Variants in SNTA1 observed in about 807,000 individuals in gnomAD.
SNTA1 encodes syntrophin alpha 1, also known as alpha-1-syntrophin.
SNTA1 carries 31 observed loss-of-function variants against 47.1 expected under a neutral mutation model. The ratio of observed to expected loss-of-function variants is 0.66; its 90% confidence interval spans 0.49 to 0.89. The LOEUF (loss-of-function observed/expected upper bound fraction) is 0.89, where lower values mean the gene tolerates loss of function less well. Among genes scored for constraint, SNTA1 ranks in the 40% least tolerant of loss-of-function variants. SNTA1 has a pLI of 0.00. For synonymous variants in SNTA1, 300 were observed against 313.6 expected, an observed-to-expected ratio of 0.96 and a Z score of 0.46; for missense variants, 575 against 693.0, an observed-to-expected ratio of 0.83 and a Z score of 1.91.
chr20:33,427,756 T>C (rs1395409206), intron 2 of SNTA1, among the ~76,000 whole-genome samples: 2 of 152,046 alleles, frequency 1.3e-5, no homozygotes, highest in African/African-American at 4.8e-5. Flanking sequence ...TGAATATTCA[T>C]GAATAGGGGC....
chr20:33,420,340 T>C (rs1360518333), intron 2 of SNTA1, among the ~76,000 whole-genome samples: 1 of 152,188 alleles, frequency 6.6e-6, no homozygotes, highest in Non-Finnish European at 1.5e-5. Context: ...CCTGGAGCCA[T>C]GCTGTCTCAA....
intron 2 of SNTA1, among the ~76,000 whole-genome samples, chr20:33,438,275 G>A (rs1263858877): frequency 1.3e-5 from 2 of 152,064 alleles, no homozygotes; most frequent in South Asian, 2.1e-4. Context: ...ATTCCAGCCT[G>A]GACAACAGAG....
Position 33,438,942 on chromosome 20 carries a change from C to T in SNTA1, c.395G>A (p.Gly132Glu). ...AADQTEALFVGDAILSVNGED... is the reference protein window; with the variant it reads ...AADQTEALFVEDAILSVNGED... ...CCCATTCACAGACAGGATGGCATCC[C>T]CCACAAAAAGGGCCTCTGTCTGGTC... The change falls in exon 2 of 8, where the codon GGG (glycine) becomes GAG (glutamate). Residue 132 changes from glycine (G) to glutamate (E), a missense_variant. Transcript: ENST00000217381. 6.2e-7 allele frequency: 1 copy of T among 1,614,074 alleles called. No individual in the cohort carries two copies. Among genetic ancestry groups the T allele is most frequent in the African/African-American group, 1.3e-5 (1 of 75,054 alleles).
Position 33,408,703 on chromosome 20 carries a change from T to C in SNTA1, c.1423A>G (p.Ile475Val). Residue 475 changes from isoleucine (I) to valine (V), a missense_variant and splice_region_variant, in exon 7 of 8, where the codon ATC becomes GTC. By Grantham distance (29) the Ile-to-Val change is conservative (BLOSUM62 3). Transcript: ENST00000217381. ...TGCAGAGGCAGCCCCTCACTCACGA[T>C]CTCGCCTTCAGCACCTCCAAAATCC... ...FLDFGGAEGEIQLDLHSCPKT... is the reference protein window; with the variant it reads ...FLDFGGAEGEVQLDLHSCPKT... 6 of 1,613,774 alleles carry C rather than the reference T, an allele frequency of 3.7e-6. No individual in the cohort carries two copies. Among genetic ancestry groups the C allele is most frequent in the Non-Finnish European group, 5.1e-6 (6 of 1,179,896 alleles).
Position 33,408,829 on chromosome 20 carries a change from G to T in SNTA1, c.1297C>A (p.Leu433Met). The T allele has an allele frequency of 7.4e-6, 12 of 1,614,194 alleles. No individual in the cohort carries two copies. The highest frequency in any genetic ancestry group is 1.0e-5 in the Non-Finnish European group (12 of 1,180,026). The change falls in exon 7 of 8, where the codon CTG (leucine) becomes ATG (methionine). Residue 433 changes from leucine (L) to methionine (M), a missense_variant. Leu to Met is a conservative substitution (Grantham distance 15). Transcript: ENST00000217381. ...LSVHIDKGFT[L>M]WAAEPGAARA... ...GCTGCACCTGGCTCAGCCGCCCACA[G>T]TGTGAAGCCCTTGTCGATGTGCACA... is the stretch of plus-strand genomic sequence containing the variant.
chr20:33,423,798 T>C (rs952064735), intron 2 of SNTA1, among the ~76,000 whole-genome samples: 14 of 152,204 alleles, frequency 9.2e-5, no homozygotes, highest in Non-Finnish European at 1.5e-5. Flanking sequence ...GCTTAATAAA[T>C]GTCTGTGACT....
chr20:33,414,245 C>CAAAAAAAAA (rs56186098), intron 3 of SNTA1, among the ~76,000 whole-genome samples: 335 of 29,030 alleles, frequency 0.012, 3 homozygotes, highest in Non-Finnish European at 0.02. Context: ...TCTCAAAAAC[C>CAAAAAAAAA]AAAAAAAAAA....
Position 33,419,142 on chromosome 20 carries a change from C to A in SNTA1, c.497-1219G>T, listed in dbSNP as rs1028168186. Reference sequence around the variant, plus strand: ...AATGATGACTTTCCCAAGACCTTGTCTCTCTTCTCCCAACAAGGATATACC... The same window carrying A: ...AATGATGACTTTCCCAAGACCTTGTATCTCTTCTCCCAACAAGGATATACC... On this transcript the variant is annotated intron_variant, in intron 2 of 7. Transcript: ENST00000217381. Among the ~76,000 whole-genome samples the A allele has an allele frequency of 1.2e-4, 18 of 152,246 alleles. 1 individual carries two copies. The highest frequency in any genetic ancestry group is 7.7e-4 in the East Asian group (4 of 5,176).
chr20:33,412,058 T>TGCA (rs1989751835), intron 5 of SNTA1, among the ~76,000 whole-genome samples: 2 of 152,208 alleles, frequency 1.3e-5, no homozygotes, highest in South Asian at 4.1e-4. Context: ...CTCTGAACCA[T>TGCA]GCAGCACAAG....
intron 5 of SNTA1, among the ~76,000 whole-genome samples, chr20:33,411,471 C>G (rs1023033400): frequency 6.6e-6 from 1 of 152,108 alleles, no homozygotes; most frequent in Non-Finnish European, 1.5e-5. Context: ...CTTTCTTCCC[C>G]ATCTGCTCCT....
At chr20:33,441,148 A>C (rs1423020148) in intron 1 of SNTA1, among the ~76,000 whole-genome samples, 1 of 152,232 alleles carries the variant, frequency 6.6e-6, no homozygotes, top group Non-Finnish European at 1.5e-5. Flanking sequence ...AAATGCTTTC[A>C]ATGTTGATTC....
In SNTA1 at chr20:33,443,306, C is replaced by T; in HGVS notation, c.310+5G>A. 2 of 1,510,618 alleles carry T rather than the reference C, an allele frequency of 1.3e-6. No homozygotes were observed. The highest frequency in any genetic ancestry group is 1.8e-6 in the Non-Finnish European group (2 of 1,136,952). 93.6% of individuals were successfully genotyped at this position (1,510,618 alleles called of 1,614,324 possible). On this transcript the variant is annotated splice_donor_5th_base_variant and intron_variant, in intron 1 of 7. Coordinates refer to ENST00000217381, the MANE Select transcript of SNTA1 (RefSeq NM_003098.3). ...GACCCCGCGCCCTCGGTGTCCCGCG[C>T]CCACCTTTGATGCTGATGCCCAGCC...
intron 3 of SNTA1, among the ~76,000 whole-genome samples, chr20:33,414,946 G>A (rs1989837038): frequency 6.6e-6 from 1 of 152,126 alleles, no homozygotes; most frequent in Non-Finnish European, 1.5e-5. Context: ...TGTACTTGCA[G>A]CCCAGTGCAA....
intron 2 of SNTA1, among the ~76,000 whole-genome samples, chr20:33,438,375 C>T (rs1354925871): frequency 6.6e-6 from 1 of 152,050 alleles, no homozygotes; most frequent in African/African-American, 2.4e-5. Flanking sequence ...AAGGCCCAGG[C>T]ACTAAAAGAA....
intron 2 of SNTA1, among the ~76,000 whole-genome samples, chr20:33,423,639 G>A (rs1990087975): frequency 6.6e-6 from 1 of 152,192 alleles, no homozygotes; most frequent in South Asian, 2.1e-4. Flanking sequence ...CAAAGAGCCA[G>A]GAATAGATTC....
At chr20:33,428,010 G>A (rs1161227904) in intron 2 of SNTA1, among the ~76,000 whole-genome samples, 6 of 152,034 alleles carry the variant, frequency 3.9e-5, no homozygotes, top group Admixed American at 1.3e-4. Flanking sequence ...CTCCGGCCTC[G>A]AATTCCTGGC....
At chr20:33,440,442 C>T (rs1466524704) in intron 1 of SNTA1, among the ~76,000 whole-genome samples, 1 of 151,112 alleles carries the variant, frequency 6.6e-6, no homozygotes. Context: ...GCAATAAGAG[C>T]GAAACTCCAT....
chr20:33,425,073 G>T (rs1267222387), intron 2 of SNTA1, among the ~76,000 whole-genome samples: 1 of 151,266 alleles, frequency 6.6e-6, no homozygotes, highest in Non-Finnish European at 1.5e-5. Context: ...CCGAGATCAC[G>T]CCACTGCACT....
chr20:33,408,449 G>T lies in SNTA1; in HGVS notation c.*58C>A. 8.0e-7 allele frequency: 1 copy of T among 1,245,204 alleles called. No homozygotes were observed. The highest frequency in any genetic ancestry group is 1.2e-6 in the Non-Finnish European group (1 of 846,572). 77.1% of individuals were successfully genotyped at this position (1,245,204 alleles called of 1,614,324 possible). A position where few individuals can be genotyped will look rare whatever the true frequency, so the allele number is the denominator to read the frequency against. Reference sequence around the variant, plus strand: ...AGGGGTGAGCAGGCAGTCGGTGGAGGCCCAGCTCAGGCCATGTCATGGACA... The same window carrying T: ...AGGGGTGAGCAGGCAGTCGGTGGAGTCCCAGCTCAGGCCATGTCATGGACA... On this transcript the variant is annotated 3_prime_UTR_variant, in exon 8 of 8. Coordinates refer to ENST00000217381, the MANE Select transcript of SNTA1 (RefSeq NM_003098.3).
Sources: gnomAD v4.1 joint callset for allele counts (sites outside exome capture counted in the v4.1 genomes callset) on GRCh38, gnomAD v4.1.1 for gene constraint, MANE v1.5 for transcripts, NCBI Gene and HGNC (gene_info 2026-07-23, HGNC 2026-07-21) for gene names.